Variants in HIP1R observed in about 807,000 individuals in gnomAD.
HIP1R encodes the protein huntingtin-interacting protein 1-related protein.
A neutral mutation model predicts 144.2 loss-of-function variants in HIP1R; 135 were observed. The ratio of observed to expected loss-of-function variants is 0.94; its 90% CI spans 0.81 to 1.08. HIP1R has a LOEUF of 1.08. Ranked by LOEUF, HIP1R falls within the 50% of genes least tolerant of loss-of-function variation. The pLI is 0.00. For missense variants in HIP1R, 1,462 were observed against 1,432.8 expected (o/e 1.02, Z -0.33); for synonymous variants, 698 against 612.8 (o/e 1.14, Z -2.05).
intron 1 of HIP1R, among the ~76,000 whole-genome samples, chr12:122,847,609 G>A (rs1435962137): frequency 6.6e-6 from 1 of 152,230 alleles, no homozygotes; most frequent in Non-Finnish European, 1.5e-5. Flanking sequence ...CCTTCATGGG[G>A]TGCCGCAAAG....
intron 7 of HIP1R, 134 bp downstream of exon 7, chr12:122,851,431 C>A: frequency 3.1e-6 from 2 of 651,686 alleles, no homozygotes; most frequent in Middle Eastern, 5.0e-4. Flanking sequence ...GCCGCAGTGG[C>A]TCACATCTGT....
chr12:122,855,017 C>T (rs1440386821), intron 9 of HIP1R, 36 bp from the exon 10 acceptor site: 7 of 1,613,648 alleles, frequency 4.3e-6, no homozygotes, highest in Non-Finnish European at 5.9e-6. Flanking sequence ...GCTCCGTGGC[C>T]CCTTCCTGAA....
intron 4 of HIP1R, among the ~76,000 whole-genome samples, 153 bp downstream of exon 4, chr12:122,849,005 C>G (rs566000220): frequency 1.2e-4 from 19 of 152,368 alleles, no homozygotes; most frequent in Admixed American, 1.1e-3. Flanking sequence ...GAGATGCTGC[C>G]TGCCTTTGAG....
rs901001185 is a variant in HIP1R, at chr12:122,848,666, C to T, written c.300+58C>T. On this transcript the variant is annotated intron_variant, in intron 3 of 31. Transcript: ENST00000253083. ...GCTGGGGCACTGTCCCGCGGACATG[C>T]GGGCTCTGGCCCTGTTCCTGTCCCC... The T allele has an allele frequency of 2.6e-5, 42 of 1,593,598 alleles. No individual in the cohort carries two copies. The South Asian group carries it at 3.4e-4, about 13-fold the overall frequency.
chr12:122,859,996 GTGTGGGCTGCTC>G, intron 24 of HIP1R, 39 bp from the exon 25 acceptor site: 1 of 1,526,730 alleles, frequency 6.5e-7, no homozygotes, highest in Non-Finnish European at 8.8e-7. Flanking sequence ...CCATGGCGTC[GTGTGGGCTGCTC>G]TGCAGAGCGG....
At chr12:122,849,657 A>G (rs968002522) in intron 4 of HIP1R, among the ~76,000 whole-genome samples, 5 of 152,272 alleles carry the variant, frequency 3.3e-5, no homozygotes, top group Non-Finnish European at 5.9e-5. Context: ...GCCCTGGACA[A>G]AGAGCTCTCT....
At chr12:122,858,292 C>T (rs2033657112) in intron 19 of HIP1R, 43 bp downstream of exon 19, 1 of 1,579,694 alleles carries the variant, frequency 6.3e-7, no homozygotes, top group South Asian at 1.1e-5. Context: ...TGCCTCCTTC[C>T]CATCCCCAGC....
intron 1 of HIP1R, among the ~76,000 whole-genome samples, chr12:122,842,394 A>G (rs2033081574): frequency 2.0e-5 from 3 of 152,214 alleles, no homozygotes; most frequent in Admixed American, 1.3e-4. Context: ...CTGGAGAAGG[A>G]GAGACTCAGT....
At chr12:122,847,978 T>G in intron 1 of HIP1R, 53 bp from the exon 2 acceptor site, 1 of 1,564,746 alleles carries the variant, frequency 6.4e-7, no homozygotes, top group East Asian at 2.2e-5. Flanking sequence ...TGGGGTGGTG[T>G]CTCCTGGGGT....
chr12:122,849,939 TCTC>T lies in HIP1R; in HGVS notation c.425_427del (p.Ser142del), dbSNP rs1830143592. Reference sequence around the variant, plus strand: ...TACACCAAGCTGCTGCTGACCAAGATCTCCTTCCACCTCAAGGTGGTTTCCTCG... The same window carrying T: ...TACACCAAGCTGCTGCTGACCAAGATCTTCCACCTCAAGGTGGTTTCCTCG... On this transcript the variant is annotated inframe_deletion, in exon 5 of 32. Coordinates refer to ENST00000253083, the MANE Select transcript of HIP1R (RefSeq NM_003959.3). The T allele has an allele frequency of 1.2e-6, 2 of 1,613,330 alleles. No homozygotes were observed. Among genetic ancestry groups the T allele is most frequent in the Non-Finnish European group, 1.7e-6 (2 of 1,179,710 alleles).
At chr12:122,858,713 G>A (rs750058872) in intron 20 of HIP1R, 125 bp from the exon 21 acceptor site, 62 of 757,934 alleles carry the variant, frequency 8.2e-5, no homozygotes, top group Admixed American at 3.2e-4. Context: ...CCTCCTGGAC[G>A]TTGTCTTGCC....
chr12:122,861,900 T>C lies in HIP1R; in HGVS notation c.*147T>C, dbSNP rs926278097. The C allele has an allele frequency of 4.5e-5, 31 of 694,710 alleles. No homozygotes were observed. The highest frequency in any genetic ancestry group is 5.1e-4 in the Middle Eastern group (2 of 3,960). 43.0% of individuals were successfully genotyped at this position (694,710 alleles called of 1,614,324 possible). A position where few individuals can be genotyped will look rare whatever the true frequency, so the allele number is the denominator to read the frequency against. ...CAATGTCCTCAAGGCCCCTGGCCCT[T>C]ACTGAGCCTGCAGGGTCCTGGGCCA... On this transcript the variant is annotated 3_prime_UTR_variant, in exon 32 of 32. Coordinates refer to ENST00000253083, the MANE Select transcript of HIP1R (RefSeq NM_003959.3).
chr12:122,862,640 G>A lies in HIP1R; in HGVS notation c.*887G>A, dbSNP rs2033804559. 1 of 152,136 alleles carries A rather than the reference G, an allele frequency of 6.6e-6. No individual in the cohort carries two copies. Among genetic ancestry groups the A allele is most frequent in the Admixed American group, 6.5e-5 (1 of 15,286 alleles). The allele number at this position is 152,136 out of a possible 1,614,324, so 9.4% of individuals were successfully genotyped here. ...GTGCTGGACCAGGGCCCTCAGGGAG[G>A]GGACCCTGCGGCTAGAGTGGGCTAG... On this transcript the variant is annotated 3_prime_UTR_variant, in exon 32 of 32. Transcript: ENST00000253083.
chr12:122,848,176 T>A, intron 2 of HIP1R, 82 bp downstream of exon 2: 1 of 1,446,264 alleles, frequency 6.9e-7, no homozygotes, highest in Non-Finnish European at 9.7e-7. Context: ...TGCGGTCAGC[T>A]GTGCCGGGGT....
At chr12:122,858,292 C>A in intron 19 of HIP1R, 43 bp downstream of exon 19, 1 of 1,579,692 alleles carries the variant, frequency 6.3e-7, no homozygotes, top group East Asian at 2.3e-5. Flanking sequence ...TGCCTCCTTC[C>A]CATCCCCAGC....
At chr12:122,848,118 C>T in intron 2 of HIP1R, 24 bp downstream of exon 2, 2 of 1,612,152 alleles carry the variant, frequency 1.2e-6, no homozygotes, top group South Asian at 2.2e-5. Flanking sequence ...GCTCTTGGAC[C>T]CAGGAGTTGG....
chr12:122,848,011 T>G lies in HIP1R; in HGVS notation c.94-20T>G. On this transcript the variant is annotated intron_variant, in intron 1 of 31. Coordinates refer to ENST00000253083, the MANE Select transcript of HIP1R (RefSeq NM_003959.3). Reference sequence around the variant, plus strand: ...GGTGGCTGCCTGGGGCTCTAAACACTGCTCCTTTGTCCCTCACAGGCCATC... The same window carrying G: ...GGTGGCTGCCTGGGGCTCTAAACACGGCTCCTTTGTCCCTCACAGGCCATC... 3 of 1,613,256 alleles carry G rather than the reference T, an allele frequency of 1.9e-6. No homozygotes were observed. In the South Asian group the frequency reaches 3.3e-5, roughly 18 times the overall value.
At chr12:122,859,233 G>T in intron 22 of HIP1R, 36 bp downstream of exon 22, 1 of 1,555,414 alleles carries the variant, frequency 6.4e-7, no homozygotes. Flanking sequence ...GGGAGGCTTG[G>T]GCCTGCCTCT....
rs540713889 is a variant in HIP1R at position 122,836,940 on chromosome 12, T to C, written c.93+1297T>C. ...TGCTGGAACCCAGGTGGCTGCAAAT[T>C]ACCAATTTAGCCTTGTGATCTTCAT... is the stretch of plus-strand genomic sequence containing the variant. On this transcript the variant is annotated intron_variant, in intron 1 of 31. Transcript: ENST00000253083. The surrounding 1 kb of genome is among the most constrained non-coding windows in gnomAD (Gnocchi z 4.1). Among the ~76,000 whole-genome samples, 5 of 152,320 alleles carry C rather than the reference T, an allele frequency of 3.3e-5. No homozygotes were observed. Among genetic ancestry groups the C allele is most frequent in the East Asian group, 1.9e-4 (1 of 5,192 alleles).
Sources: allele counts gnomAD v4.1 joint callset (sites outside exome capture counted in the v4.1 genomes callset), GRCh38; gene constraint gnomAD v4.1.1; non-coding constraint Gnocchi (gnomAD v3.1); transcripts MANE v1.5; gene names NCBI Gene and HGNC (gene_info 2026-07-23, HGNC 2026-07-21).